Variants in RP1 observed in about 807,000 individuals in gnomAD.
RP1 encodes RP1 axonemal microtubule associated.
A neutral mutation model predicts 14.8 loss-of-function variants in RP1; 16 were observed. The ratio of observed to expected loss-of-function variants is 1.08; its 90% CI spans 0.73 to 1.65. RP1 has a LOEUF of 1.65. RP1 is among the 40% of genes most tolerant of loss of function. RP1 has a pLI of 0.00. For missense variants in RP1, 2,631 were observed against 2,535.0 expected, an observed-to-expected ratio of 1.04 and a Z score of -0.81; for synonymous variants, 876 against 883.6, an observed-to-expected ratio of 0.99 and a Z score of 0.15.
chr8:54,568,632 G>A (rs1804458141), intron 1 of RP1, among the ~76,000 whole-genome samples: 1 of 152,204 alleles, frequency 6.6e-6, no homozygotes, highest in Non-Finnish European at 1.5e-5. Flanking sequence ...AGACGCTTGT[G>A]CTCTTTTATC....
At chr8:54,631,243 C>T (rs574268298), downstream of RP1, among the ~76,000 whole-genome samples, 1 of 152,052 alleles carries the variant, frequency 6.6e-6, no homozygotes, top group African/African-American at 2.4e-5. Context: ...TGAATTGCTA[C>T]TTCATCAGCT....
At chr8:54,846,114 C>A (rs1198777059) in intron 25 of RP1, among the ~76,000 whole-genome samples, 1 of 152,162 alleles carries the variant, frequency 6.6e-6, no homozygotes, top group Non-Finnish European at 1.5e-5. Context: ...GAAAGAAAAA[C>A]TTCTTGGCCG....
Position 54,622,167 on chromosome 8 carries a change from A to C in RP1, c.666A>C (p.Ala222=), listed in dbSNP as rs750540431. The part of the protein sequence containing the change: ...VILSSGAVVA[A]GREPFKPGNY... Reference sequence around the variant, plus strand: ...TGAGCTCTGGAGCTGTGGTGGCGGCAGGAAGGGAGCCATTTAAACCAGGAA... The same window carrying C: ...TGAGCTCTGGAGCTGTGGTGGCGGCCGGAAGGGAGCCATTTAAACCAGGAA... The change falls in exon 3 of 4, where the codon GCA becomes GCC. Residue 222 remains alanine, a synonymous_variant. Transcript: ENST00000220676. The C allele has an allele frequency of 6.8e-6, 11 of 1,614,054 alleles. No homozygotes were observed. In the Admixed American group the frequency reaches 1.7e-4, roughly 24 times the overall value.
downstream of RP1, among the ~76,000 whole-genome samples, chr8:54,771,760 CA>C (rs1327110999): frequency 2.0e-5 from 3 of 151,990 alleles, no homozygotes; most frequent in East Asian, 5.8e-4. Flanking sequence ...TCTGGAAATA[CA>C]TTAGTGATCT....
At chr8:54,620,889 G>T in intron 1 of RP1, 66 bp from the exon 2 acceptor site, 3 of 1,385,786 alleles carry the variant, frequency 2.2e-6, no homozygotes, top group Non-Finnish European at 3.1e-6. Context: ...TATTTAGCAT[G>T]CATTAGTATT....
At chr8:54,835,275 A>G (rs753363276) in intron 24 of RP1, among the ~76,000 whole-genome samples, 4 of 152,236 alleles carry the variant, frequency 2.6e-5, no homozygotes, top group Non-Finnish European at 5.9e-5. Context: ...CTAATATATT[A>G]GAAGCAATTT....
chr8:54,786,368 T>A (rs1810317430), intron 24 of RP1, among the ~76,000 whole-genome samples: 4 of 152,104 alleles, frequency 2.6e-5, no homozygotes, highest in Admixed American at 2.0e-4. Context: ...TATGATAAGT[T>A]GTTTATCTTC....
intron 25 of RP1, among the ~76,000 whole-genome samples, chr8:54,846,813 G>A (rs1219235663): frequency 6.6e-6 from 1 of 152,136 alleles, no homozygotes; most frequent in Non-Finnish European, 1.5e-5. Flanking sequence ...CTTCCCTGAG[G>A]TGTCTCATTC....
chr8:54,821,587 G>T (rs1183095359), intron 24 of RP1, among the ~76,000 whole-genome samples: 3 of 152,138 alleles, frequency 2.0e-5, no homozygotes, highest in Admixed American at 2.0e-4. Context: ...TCTTATGTTG[G>T]TTGTGAAGAT....
chr8:54,586,768 C>T (rs1317589021), intron 1 of RP1, among the ~76,000 whole-genome samples: 1 of 152,206 alleles, frequency 6.6e-6, no homozygotes, highest in East Asian at 1.9e-4. Flanking sequence ...ATGAGCATGG[C>T]TCCGTGGGCA....
At chr8:54,807,675 T>TATGTATC (rs10678922) in intron 24 of RP1, among the ~76,000 whole-genome samples, 1 of 113,646 alleles carries the variant, frequency 8.8e-6, no homozygotes. Context: ...TCTATCTATC[T>TATGTATC]ATTTATCTAT....
At chr8:54,587,935 A>T (rs1246418951) in intron 1 of RP1, among the ~76,000 whole-genome samples, 2 of 152,208 alleles carry the variant, frequency 1.3e-5, no homozygotes, top group African/African-American at 4.8e-5. Context: ...ATGCCATTTC[A>T]TACATTATTA....
chr8:54,856,908 ATAG>A (rs1443278282), intron 26 of RP1: 13 of 346,212 alleles, frequency 3.8e-5, no homozygotes, highest in African/African-American at 1.3e-4. Flanking sequence ...AGTAATTTTT[ATAG>A]TAGTAGTAAG....
chr8:54,643,193 T>G (rs912541206), intron 3 of RP1, among the ~76,000 whole-genome samples: 9 of 152,196 alleles, frequency 5.9e-5, no homozygotes, highest in Non-Finnish European at 1.2e-4. Context: ...TTATTAATGT[T>G]GAAAAAAATC....
At chr8:54,777,077 G>T (rs918131647) in intron 23 of RP1, among the ~76,000 whole-genome samples, 1 of 152,068 alleles carries the variant, frequency 6.6e-6, no homozygotes, top group African/African-American at 2.4e-5. Context: ...TTTGTGCCTC[G>T]GTTTCTTTCC....
At chr8:54,712,218 G>C (rs948756059) in intron 15 of RP1, among the ~76,000 whole-genome samples, 3 of 152,150 alleles carry the variant, frequency 2.0e-5, no homozygotes, top group Admixed American at 6.5e-5. Flanking sequence ...GGAGAGACAG[G>C]GGAGAGGGAA....
chr8:54,560,254 T>C (rs1408595504), intron 1 of RP1: 1 of 152,118 alleles, frequency 6.6e-6, no homozygotes, highest in Non-Finnish European at 1.5e-5. Context: ...ATATTCTAAG[T>C]GAACGCACTC....
chr8:54,679,515 C>G (rs1243296514), intron 10 of RP1: 2 of 1,535,564 alleles, frequency 1.3e-6, no homozygotes, highest in Middle Eastern at 1.7e-4. Context: ...CATGTATACA[C>G]ATTTCCTGGA....
intron 16 of RP1, among the ~76,000 whole-genome samples, chr8:54,726,054 T>C (rs891891022): frequency 1.3e-5 from 2 of 152,186 alleles, no homozygotes; most frequent in Non-Finnish European, 2.9e-5. Context: ...TTAGAATCTA[T>C]AAGAAAAACA....
Sources: gnomAD v4.1 joint callset for allele counts (sites outside exome capture counted in the v4.1 genomes callset) on GRCh38, gnomAD v4.1.1 for gene constraint, MANE v1.5 for transcripts, NCBI Gene and HGNC (gene_info 2026-07-23, HGNC 2026-07-21) for gene names.